Variants in MAU2 observed in about 807,000 individuals in gnomAD.
MAU2 encodes MAU2 chromatid cohesion factor homolog.
Under a neutral mutation model 89.1 loss-of-function variants are expected in MAU2, and 9 were observed. The ratio of observed to expected loss-of-function variants is 0.10; its 90% CI spans 0.06 to 0.18. The LOEUF is 0.18. Ranked by LOEUF, MAU2 falls within the 10% of genes least tolerant of loss-of-function variation. MAU2 has a pLI of 1.00. For synonymous variants in MAU2, 357 were observed against 343.4 expected (o/e 1.04, Z -0.44); for missense variants, 425 against 803.5 (o/e 0.53, Z 5.69).
chr19:19,325,083 A>C (rs1369506364), intron 1 of MAU2, among the ~76,000 whole-genome samples: 1 of 152,236 alleles, frequency 6.6e-6, no homozygotes, highest in Admixed American at 6.5e-5. Context: ...TTGGAGAGCC[A>C]ACCCAGTGTA....
intron 16 of MAU2, among the ~76,000 whole-genome samples, chr19:19,350,712 A>C (rs1375079954): frequency 6.6e-6 from 1 of 151,796 alleles, no homozygotes; most frequent in East Asian, 1.9e-4. Flanking sequence ...CATCCTGGCT[A>C]ACACGGTGAA....
At chr19:19,327,651 A>G (rs866518629) in intron 1 of MAU2, among the ~76,000 whole-genome samples, 2 of 151,170 alleles carry the variant, frequency 1.3e-5, no homozygotes, top group East Asian at 3.9e-4. Flanking sequence ...ATGGGGTTTC[A>G]CTATGTTGGC....
chr19:19,330,415 C>T (rs552533146), intron 1 of MAU2, among the ~76,000 whole-genome samples: 3 of 151,144 alleles, frequency 2.0e-5, no homozygotes, highest in East Asian at 2.0e-4. Flanking sequence ...GGCAAGATAG[C>T]GAGACCCCCA....
intron 5 of MAU2, 112 bp from the exon 6 acceptor site, chr19:19,340,734 T>C: frequency 1.0e-6 from 1 of 1,002,036 alleles, no homozygotes; most frequent in Non-Finnish European, 1.5e-6. Flanking sequence ...TGTTGTCCAC[T>C]GAACTGTCCC....
At chr19:19,341,468 G>A in intron 7 of MAU2, 61 bp downstream of exon 7, 1 of 1,584,938 alleles carries the variant, frequency 6.3e-7, no homozygotes, top group Non-Finnish European at 8.6e-7. Flanking sequence ...TGGTACCCAG[G>A]CCAATGGGTC....
At chr19:19,324,552 T>G (rs538758270) in intron 1 of MAU2, among the ~76,000 whole-genome samples, 1 of 152,238 alleles carries the variant, frequency 6.6e-6, no homozygotes, top group African/African-American at 2.4e-5. Context: ...TAATAGTCAC[T>G]GTGTGTACTG....
At chr19:19,349,586 C>G (rs1299627669) in intron 16 of MAU2, 150 bp downstream of exon 16, 6 of 698,200 alleles carry the variant, frequency 8.6e-6, no homozygotes, top group Non-Finnish European at 1.5e-5. Context: ...CTCCCACAGC[C>G]TGGGCAGGCA....
chr19:19,339,626 A>G (rs2061624622), intron 5 of MAU2: 1 of 151,082 alleles, frequency 6.6e-6, no homozygotes, highest in Admixed American at 6.6e-5. Context: ...ACCTCAAGTG[A>G]TCTGCCCACC....
chr19:19,340,947 C>T (rs1156493925), intron 6 of MAU2, 74 bp downstream of exon 6: 2 of 1,582,208 alleles, frequency 1.3e-6, no homozygotes, highest in Non-Finnish European at 1.7e-6. Flanking sequence ...AGAGTCTGCT[C>T]AGACCCCACC....
chr19:19,326,547 G>T (rs911314761), intron 1 of MAU2, among the ~76,000 whole-genome samples: 1 of 151,300 alleles, frequency 6.6e-6, no homozygotes, highest in Non-Finnish European at 1.5e-5. Flanking sequence ...TTAGCCAGGC[G>T]TGGTGGCGGG....
rs555614519 is a variant in MAU2 at position 19,355,794 on chromosome 19, G to A, written c.*12G>A. 1 of 1,604,282 alleles carries A rather than the reference G, an allele frequency of 6.2e-7. No homozygotes were observed. Among genetic ancestry groups the A allele is most frequent in the Admixed American group, 1.7e-5 (1 of 60,032 alleles). ...CCAGCCTCCTGTGAGGCCTTGATGGGGCCATCCAGCTCCGCAGGGCCTGCG... is the reference window on the plus strand; with the variant it reads ...CCAGCCTCCTGTGAGGCCTTGATGGAGCCATCCAGCTCCGCAGGGCCTGCG... On this transcript the variant is annotated 3_prime_UTR_variant, in exon 19 of 19. Coordinates refer to ENST00000262815, the MANE Select transcript of MAU2 (RefSeq NM_015329.4).
intron 1 of MAU2, among the ~76,000 whole-genome samples, chr19:19,324,829 T>G (rs2061491373): frequency 6.6e-6 from 1 of 152,236 alleles, no homozygotes; most frequent in South Asian, 2.1e-4. Flanking sequence ...GTTAAAGTAA[T>G]GTTTTCTATA....
intron 16 of MAU2, among the ~76,000 whole-genome samples, chr19:19,349,915 C>T (rs2061728117): frequency 6.6e-6 from 1 of 152,010 alleles, no homozygotes; most frequent in East Asian, 1.9e-4. Flanking sequence ...GGACTGGCCG[C>T]CTCAGTCCTT....
intron 1 of MAU2, among the ~76,000 whole-genome samples, chr19:19,327,114 C>T (rs1275565058): frequency 6.8e-6 from 1 of 147,586 alleles, no homozygotes; most frequent in African/African-American, 2.5e-5. Context: ...CACAGCCTCC[C>T]CAGGAGCTTT....
Position 19,320,880 on chromosome 19 carries a change from AGCGGCCCAGGCGGCG to A in MAU2, c.33_47del (p.Ala13_Ala17del), listed in dbSNP as rs749913428. 0.013 allele frequency: 20,130 copies of A among 1,516,008 alleles called. 167 individuals are homozygous for A. Among genetic ancestry groups the A allele is most frequent in the Non-Finnish European group, 0.015 (17,459 of 1,133,284 alleles). The allele number at this position is 1,516,008 out of a possible 1,614,324, so 93.9% of individuals were successfully genotyped here. A position where few individuals can be genotyped will look rare whatever the true frequency, so the allele number is the denominator to read the frequency against. On this transcript the variant is annotated inframe_deletion, in exon 1 of 19. Coordinates refer to ENST00000262815, the MANE Select transcript of MAU2 (RefSeq NM_015329.4). ...CCAAAATGGCGGCTCAGGCGGCGGC[AGCGGCCCAGGCGGCG>A]GCGGCCCAGGCTGCGCAGGCCGAGG...
In MAU2 at chr19:19,349,392, C is replaced by G; in HGVS notation, c.1504C>G (p.Leu502Val). The change falls in exon 16 of 19, where the codon CTC becomes GTC. Residue 502 changes from leucine to valine, a missense_variant. Physicochemically the swap from Leu to Val is conservative, Grantham distance 32. This residue lies in a region of MAU2 where 1 missense variants were observed against 25.2 expected (regional missense o/e 0.04). Coordinates refer to ENST00000262815, the MANE Select transcript of MAU2 (RefSeq NM_015329.4). ...EDLNRLTACS[L>V]VLLGHIFYVL... ...CCTGAACCGGCTCACAGCCTGCTCC[C>G]TCGTGCTTCTGGGCCACATCTTCTA... 1 of 1,614,204 alleles carries G rather than the reference C, an allele frequency of 6.2e-7. No individual in the cohort carries two copies. Among genetic ancestry groups the G allele is most frequent in the Non-Finnish European group, 8.5e-7 (1 of 1,180,050 alleles).
At chr19:19,334,984 G>T (rs78544258) in intron 1 of MAU2, among the ~76,000 whole-genome samples, 1 of 152,228 alleles carries the variant, frequency 6.6e-6, no homozygotes, top group South Asian at 2.1e-4. Context: ...TGGGGACAGC[G>T]TTAGGCTTGT....
At chr19:19,350,831 C>T (rs1014226104) in intron 16 of MAU2, among the ~76,000 whole-genome samples, 14 of 150,106 alleles carry the variant, frequency 9.3e-5, no homozygotes, top group African/African-American at 2.9e-4. Flanking sequence ...ACCAGGAAGG[C>T]GGAGCTTGCA....
At chr19:19,343,166 C>T (rs2061666443) in intron 9 of MAU2, among the ~76,000 whole-genome samples, 1 of 152,198 alleles carries the variant, frequency 6.6e-6, no homozygotes. Context: ...CAGGGACACT[C>T]GGGATGAGGC....
Sources: gnomAD v4.1 joint callset for allele counts (sites outside exome capture counted in the v4.1 genomes callset) on GRCh38, gnomAD v4.1.1 for gene constraint, gnomAD v4.1.1 regional missense constraint, MANE v1.5 for transcripts, NCBI Gene and HGNC (gene_info 2026-07-23, HGNC 2026-07-21) for gene names.